Variants in RIT2 observed in about 807,000 individuals in gnomAD.
The protein encoded by RIT2 is GTP-binding protein Rit2.
A neutral mutation model predicts 23.7 loss-of-function variants in RIT2; 24 were observed. The observed-to-expected ratio is 1.01, with a 90% CI of 0.73 to 1.43. RIT2 has a LOEUF of 1.43. Among genes scored for constraint, RIT2 ranks in the 40% most tolerant of loss-of-function variants. The pLI, the probability that RIT2 is intolerant of heterozygous loss-of-function variation, is 0.00. For synonymous variants in RIT2, 107 were observed against 91.1 expected, an observed-to-expected ratio of 1.17 and a Z score of -0.99; for missense variants, 236 against 266.9, an observed-to-expected ratio of 0.88 and a Z score of 0.81.
At chr18:42,960,319 T>A (rs796586106) in intron 3 of RIT2, among the ~76,000 whole-genome samples, 10 of 152,312 alleles carry the variant, frequency 6.6e-5, no homozygotes, top group African/African-American at 2.4e-4. Flanking sequence ...TGTTTTTGTT[T>A]TTGTTTTTGA....
intron 3 of RIT2, among the ~76,000 whole-genome samples, chr18:42,954,753 G>A (rs1189426686): frequency 6.6e-6 from 1 of 152,058 alleles, no homozygotes; most frequent in Non-Finnish European, 1.5e-5. Context: ...TTATGTCCCT[G>A]ATCTCCAGCC....
At chr18:43,016,704 C>A (rs1244058877) in intron 2 of RIT2, among the ~76,000 whole-genome samples, 1 of 151,724 alleles carries the variant, frequency 6.6e-6, no homozygotes, top group African/African-American at 2.4e-5. Context: ...CAGAGAAAGT[C>A]AAATTATAGA....
At chr18:43,048,968 CAT>C (rs1354519233) in intron 1 of RIT2, among the ~76,000 whole-genome samples, 1 of 152,140 alleles carries the variant, frequency 6.6e-6, no homozygotes, top group Non-Finnish European at 1.5e-5. Flanking sequence ...GTTTCAACCA[CAT>C]GTTAGACTGA....
chr18:42,862,814 CA>C (rs1181621839), intron 4 of RIT2, among the ~76,000 whole-genome samples: 1 of 152,158 alleles, frequency 6.6e-6, no homozygotes, highest in Non-Finnish European at 1.5e-5. Flanking sequence ...TTTTTCATTG[CA>C]ATTCAACTCT....
Position 43,105,733 on chromosome 18 carries a change from T to C in RIT2, c.103+9684A>G, listed in dbSNP as rs568024061. On this transcript the variant is annotated intron_variant, in intron 1 of 4. Transcript: ENST00000326695. ...AAAACAAAGCTATCCATTTACGTTA[T>C]AAACTTTGTCCCACAGTTTGTGCCA... Among the ~76,000 whole-genome samples, 16 of 152,322 alleles carry C rather than the reference T, an allele frequency of 1.1e-4. No individual in the cohort carries two copies. In the South Asian group the frequency reaches 2.5e-3, roughly 24 times the overall value.
chr18:42,945,341 T>G (rs1374047367), intron 3 of RIT2, among the ~76,000 whole-genome samples: 1 of 151,942 alleles, frequency 6.6e-6, no homozygotes, highest in Non-Finnish European at 1.5e-5. Context: ...TAAGTGCATC[T>G]AGCTTTTTTT....
At chr18:42,888,290 A>G (rs1388197710) in intron 4 of RIT2, among the ~76,000 whole-genome samples, 1 of 151,964 alleles carries the variant, frequency 6.6e-6, no homozygotes, top group African/African-American at 2.4e-5. Context: ...TTTGCTGTGA[A>G]CCTAAAACTT....
chr18:43,094,135 T>TTG (rs1555657853), intron 1 of RIT2, among the ~76,000 whole-genome samples: 2,761 of 145,540 alleles, frequency 0.019, 48 homozygotes, highest in African/African-American at 0.04. Context: ...TTTTTTTTTT[T>TTG]TTTTTCACTT....
intron 2 of RIT2, among the ~76,000 whole-genome samples, chr18:42,985,354 T>A (rs1310851317): frequency 6.6e-6 from 1 of 152,150 alleles, no homozygotes; most frequent in Non-Finnish European, 1.5e-5. Flanking sequence ...TTTTCCCTAA[T>A]TGATCTAGAA....
intron 4 of RIT2, among the ~76,000 whole-genome samples, chr18:42,838,780 C>A (rs1209406286): frequency 6.6e-6 from 1 of 152,148 alleles, no homozygotes; most frequent in Admixed American, 6.5e-5. Context: ...TACTTTGATA[C>A]CCTAAAGCCC....
At chr18:43,023,862 A>G (rs747275094) in intron 2 of RIT2, among the ~76,000 whole-genome samples, 4 of 152,106 alleles carry the variant, frequency 2.6e-5, no homozygotes, top group Non-Finnish European at 5.9e-5. Flanking sequence ...GTTTGAAAAA[A>G]AGGCATTTGA....
intron 4 of RIT2, among the ~76,000 whole-genome samples, chr18:42,919,312 A>C (rs528455531): frequency 5.3e-5 from 8 of 152,288 alleles, no homozygotes; most frequent in African/African-American, 1.9e-4. Context: ...GTACTTCAAG[A>C]GTTACACAGA....
At chr18:43,004,812 T>C (rs1911190758) in intron 2 of RIT2, among the ~76,000 whole-genome samples, 1 of 151,896 alleles carries the variant, frequency 6.6e-6, no homozygotes, top group African/African-American at 2.4e-5. Flanking sequence ...TTATTGTAAT[T>C]ATTTATGTTG....
At chr18:43,022,576 C>T (rs567378273) in intron 2 of RIT2, among the ~76,000 whole-genome samples, 1 of 152,086 alleles carries the variant, frequency 6.6e-6, no homozygotes, top group South Asian at 2.1e-4. Flanking sequence ...ATTAAATATG[C>T]ATAAATATTA....
At chr18:42,763,560 T>C (rs1312486139) in intron 4 of RIT2, among the ~76,000 whole-genome samples, 3 of 152,016 alleles carry the variant, frequency 2.0e-5, no homozygotes, top group Non-Finnish European at 4.4e-5. Context: ...GATGAGTCAA[T>C]GTGAAGGCCT....
intron 2 of RIT2, among the ~76,000 whole-genome samples, chr18:43,032,434 T>C (rs1294044556): frequency 1.3e-5 from 2 of 152,082 alleles, no homozygotes; most frequent in African/African-American, 4.8e-5. Flanking sequence ...ATAAATTATA[T>C]ATTATATTAT....
At chr18:43,027,020 A>T (rs937408469) in intron 2 of RIT2, among the ~76,000 whole-genome samples, 1 of 152,130 alleles carries the variant, frequency 6.6e-6, no homozygotes, top group African/African-American at 2.4e-5. Context: ...AGCGAGTATG[A>T]TATGTTGTAT....
At chr18:42,901,808 T>G (rs1002660413) in intron 4 of RIT2, among the ~76,000 whole-genome samples, 3 of 152,144 alleles carry the variant, frequency 2.0e-5, no homozygotes, top group African/African-American at 7.2e-5. Context: ...TAACTATTTT[T>G]TTAAGCAAAC....
At chr18:42,991,812 ACCTACCCAAAT>A (rs1439643726) in intron 2 of RIT2, among the ~76,000 whole-genome samples, 4 of 150,658 alleles carry the variant, frequency 2.7e-5, no homozygotes, top group African/African-American at 9.8e-5. Context: ...ATTTTCCTCT[ACCTACCCAAAT>A]CTTATAAAAT....
Sources: allele counts gnomAD v4.1 joint callset (sites outside exome capture counted in the v4.1 genomes callset), GRCh38; gene constraint gnomAD v4.1.1; transcripts MANE v1.5; gene names NCBI Gene and HGNC (gene_info 2026-07-23, HGNC 2026-07-21).